The following FAM78B variants were observed in gnomAD, a reference collection of about 807,000 sequenced individuals.
FAM78B encodes protein FAM78B.
FAM78B carries 10 observed loss-of-function variants against 20.0 expected under a neutral mutation model. The observed-to-expected ratio is 0.50, with a 90% CI of 0.31 to 0.85. FAM78B has a LOEUF of 0.85. FAM78B is among the 40% of genes least tolerant of loss of function. FAM78B has a pLI of 0.05. For synonymous variants in FAM78B, 135 were observed against 132.8 expected, an observed-to-expected ratio of 1.02 and a Z score of -0.12; for missense variants, 283 against 345.0, an observed-to-expected ratio of 0.82 and a Z score of 1.42.
At chr1:166,138,392 C>T (rs1021280783) in intron 1 of FAM78B, among the ~76,000 whole-genome samples, 10 of 152,074 alleles carry the variant, frequency 6.6e-5, no homozygotes, top group African/African-American at 2.4e-4. Flanking sequence ...AGCAACCCCT[C>T]CACCCAGACC....
intron 1 of FAM78B, chr1:166,147,885 T>G (rs2101795232): frequency 6.6e-6 from 1 of 152,256 alleles, no homozygotes; most frequent in East Asian, 1.9e-4. Context: ...ATCCTCCCAC[T>G]TCAGCCTCCC....
intron 2 of FAM78B, among the ~76,000 whole-genome samples, chr1:166,062,330 C>G (rs1651629896): frequency 6.6e-6 from 1 of 152,156 alleles, no homozygotes; most frequent in African/African-American, 2.4e-5. Flanking sequence ...AGAAAGCAGG[C>G]TTGGAAAGAT....
intron 1 of FAM78B, among the ~76,000 whole-genome samples, chr1:166,097,742 G>C (rs1473634726): frequency 2.0e-5 from 3 of 152,074 alleles, no homozygotes; most frequent in Non-Finnish European, 4.4e-5. Context: ...CTCAAGGAGA[G>C]TCTGAACTCA....
intron 1 of FAM78B, among the ~76,000 whole-genome samples, chr1:166,136,234 A>G (rs949423831): frequency 6.6e-6 from 1 of 152,232 alleles, no homozygotes; most frequent in Non-Finnish European, 1.5e-5. Context: ...AGGGTGTCAG[A>G]GATTTAATAA....
intron 1 of FAM78B, among the ~76,000 whole-genome samples, chr1:166,083,799 CTTT>C (rs33994343): frequency 0.035 from 3,266 of 92,338 alleles, 141 homozygotes; most frequent in African/African-American, 0.12. Flanking sequence ...ACGCACCCAG[CTTT>C]TTTTTTTTTT....
At chr1:166,109,876 A>G (rs1368819825) in intron 1 of FAM78B, among the ~76,000 whole-genome samples, 26 of 16,256 alleles carry the variant, frequency 1.6e-3, no homozygotes, top group South Asian at 2.6e-3. Context: ...GTGTATATAT[A>G]TATATGTATA....
downstream of FAM78B, among the ~76,000 whole-genome samples, chr1:166,066,479 C>T (rs556971873): frequency 6.6e-6 from 1 of 152,220 alleles, no homozygotes; most frequent in African/African-American, 2.4e-5. Context: ...ACAGGAGAGG[C>T]AGAACAGGAT....
chr1:166,103,706 A>G (rs1194911548), intron 1 of FAM78B, among the ~76,000 whole-genome samples: 1 of 152,234 alleles, frequency 6.6e-6, no homozygotes, highest in East Asian at 1.9e-4. Flanking sequence ...TTGAGGCAAT[A>G]ATTAATAGCT....
At chr1:166,108,312 T>G (rs1451050515) in intron 1 of FAM78B, among the ~76,000 whole-genome samples, 1 of 152,154 alleles carries the variant, frequency 6.6e-6, no homozygotes, top group Admixed American at 6.6e-5. Flanking sequence ...GGTACAAGAT[T>G]AATGTACACC....
At chr1:166,121,439 C>A (rs1654462514) in intron 1 of FAM78B, among the ~76,000 whole-genome samples, 1 of 152,152 alleles carries the variant, frequency 6.6e-6, no homozygotes. Context: ...ACTGTCTAAG[C>A]AGGGAATTCC....
intron 1 of FAM78B, among the ~76,000 whole-genome samples, chr1:166,127,291 T>C (rs1479624391): frequency 6.6e-6 from 1 of 152,206 alleles, no homozygotes; most frequent in Non-Finnish European, 1.5e-5. Context: ...AATTCTGCCC[T>C]AGACAGAGAC....
In FAM78B at chr1:166,069,901, T is replaced by C. The variant is rs776088075; in HGVS notation, c.*340A>G. ...AGCAGCATTTGCCACAGGCACTGTT[T>C]AATTTCGTTTCCATCCCCTGCATCT... On this transcript the variant is annotated 3_prime_UTR_variant, in exon 2 of 2. Coordinates refer to ENST00000354422, the MANE Select transcript of FAM78B (RefSeq NM_001017961.5). The C allele has an allele frequency of 4.6e-6, 4 of 867,674 alleles. No individual in the cohort carries two copies. Among genetic ancestry groups the C allele is most frequent in the Non-Finnish European group, 5.6e-6 (4 of 713,446 alleles). The allele number at this position is 867,674 out of a possible 1,614,324, so 53.7% of individuals were successfully genotyped here. A position where few individuals can be genotyped will look rare whatever the true frequency, so the allele number is the denominator to read the frequency against.
chr1:166,162,850 T>C (rs1201377146), intron 1 of FAM78B, among the ~76,000 whole-genome samples: 1 of 152,166 alleles, frequency 6.6e-6, no homozygotes, highest in Non-Finnish European at 1.5e-5. Flanking sequence ...TCTATTTTCC[T>C]ACCTCCATAT....
At chr1:166,152,370 T>A (rs1270501906) in intron 1 of FAM78B, among the ~76,000 whole-genome samples, 1 of 152,186 alleles carries the variant, frequency 6.6e-6, no homozygotes, top group Non-Finnish European at 1.5e-5. Flanking sequence ...ATTTGTCTGG[T>A]CTTGTCGTGA....
intron 1 of FAM78B, among the ~76,000 whole-genome samples, chr1:166,157,341 C>A (rs1299627008): frequency 1.3e-5 from 2 of 151,514 alleles, no homozygotes; most frequent in African/African-American, 4.9e-5. Flanking sequence ...ATCCGTATGG[C>A]ATTAGGATGG....
chr1:166,113,223 C>T (rs928560812), intron 1 of FAM78B, among the ~76,000 whole-genome samples: 1 of 152,216 alleles, frequency 6.6e-6, no homozygotes, highest in Non-Finnish European at 1.5e-5. Flanking sequence ...TTGGTGGGTC[C>T]TGTGGATCCC....
At chr1:166,075,334 A>T (rs1652224405) in intron 1 of FAM78B, among the ~76,000 whole-genome samples, 2 of 152,224 alleles carry the variant, frequency 1.3e-5, no homozygotes, top group Non-Finnish European at 2.9e-5. Context: ...ACAAAGGTAG[A>T]TTCTTCAAGG....
intron 1 of FAM78B, among the ~76,000 whole-genome samples, chr1:166,156,798 C>T (rs1655914712): frequency 1.3e-5 from 2 of 152,054 alleles, no homozygotes; most frequent in Admixed American, 1.3e-4. Context: ...CAGCATCACC[C>T]CACCCTCAAG....
chr1:166,159,213 C>T (rs1045969701), intron 1 of FAM78B, among the ~76,000 whole-genome samples: 1 of 152,210 alleles, frequency 6.6e-6, no homozygotes, highest in African/African-American at 2.4e-5. Context: ...GAGGGCTGAC[C>T]TGTCCCCCTC....
Sources: allele counts gnomAD v4.1 joint callset (sites outside exome capture counted in the v4.1 genomes callset), GRCh38; gene constraint gnomAD v4.1.1; transcripts MANE v1.5; gene names NCBI Gene and HGNC (gene_info 2026-07-23, HGNC 2026-07-21).